The following SEMA6A variants were observed in gnomAD, a reference collection of about 807,000 sequenced individuals.
SEMA6A encodes semaphorin-6A.
In SEMA6A, 25 loss-of-function variants were observed where a neutral mutation model predicts 96.8. The observed-to-expected ratio is 0.26, with a 90% confidence interval of 0.19 to 0.36. The LOEUF (loss-of-function observed/expected upper bound fraction) is 0.36, where lower values mean the gene tolerates loss of function less well. Ranked by LOEUF, SEMA6A falls within the 10% of genes least tolerant of loss-of-function variation. The pLI, the probability that SEMA6A is intolerant of heterozygous loss-of-function variation, is 1.00. For missense variants in SEMA6A, 1,363 were observed against 1,323.1 expected (o/e 1.03, Z -0.47); for synonymous variants, 612 against 518.0 (o/e 1.18, Z -2.46).
intron 6 of SEMA6A, 53 bp downstream of exon 6, chr5:116,495,360 A>C: frequency 7.4e-7 from 1 of 1,343,094 alleles, no homozygotes; most frequent in Non-Finnish European, 1.1e-6. Context: ...CAATCACAGT[A>C]AATTATGAAA....
At chr5:116,562,643 G>T (rs1251284600) in intron 1 of SEMA6A, 2 of 695,618 alleles carry the variant, frequency 2.9e-6, no homozygotes, top group Non-Finnish European at 5.5e-6. Context: ...AAACATATTT[G>T]GTGTCCGCCA....
At chr5:116,550,328 G>A (rs1760355208) in intron 1 of SEMA6A, 1 of 152,120 alleles carries the variant, frequency 6.6e-6, no homozygotes, top group African/African-American at 2.4e-5. Context: ...CCAAGAAAAT[G>A]ATCCTCTCTA....
chr5:116,467,835 G>T, intron 17 of SEMA6A, 88 bp from the exon 18 acceptor site: 1 of 1,411,696 alleles, frequency 7.1e-7, no homozygotes, highest in South Asian at 1.3e-5. Flanking sequence ...GGACACCCAA[G>T]CTGGCTGTAA....
chr5:116,521,286 T>C (rs557773576), intron 1 of SEMA6A, among the ~76,000 whole-genome samples: 5 of 152,314 alleles, frequency 3.3e-5, no homozygotes, highest in East Asian at 3.9e-4. Context: ...TAAGGCTCGA[T>C]TGCCAATGAC....
At chr5:116,450,764 A>T (rs1754576025) in intron 18 of SEMA6A, among the ~76,000 whole-genome samples, 1 of 152,202 alleles carries the variant, frequency 6.6e-6, no homozygotes, top group African/African-American at 2.4e-5. Flanking sequence ...GTCTTCATCT[A>T]TCCATGGGGA....
intron 5 of SEMA6A, 200 bp from the exon 6 acceptor site, chr5:116,495,714 CAA>C: frequency 1.9e-6 from 1 of 527,138 alleles, no homozygotes; most frequent in Non-Finnish European, 3.4e-6. Context: ...TAAATAAAAA[CAA>C]AGCATAGAAT....
chr5:116,545,451 T>G (rs1760146970), intron 1 of SEMA6A, among the ~76,000 whole-genome samples: 1 of 151,974 alleles, frequency 6.6e-6, no homozygotes, highest in African/African-American at 2.4e-5. Flanking sequence ...GCACCTGTAA[T>G]CCCAGCTACT....
intron 18 of SEMA6A, among the ~76,000 whole-genome samples, chr5:116,451,891 G>T (rs936965161): frequency 1.3e-5 from 2 of 151,808 alleles, no homozygotes; most frequent in Non-Finnish European, 1.5e-5. Context: ...TTAGTTCTGG[G>T]AAAAATCCAA....
chr5:116,523,621 G>GTTTCATATTTTTAT (rs1419576689), intron 1 of SEMA6A, among the ~76,000 whole-genome samples: 1 of 152,112 alleles, frequency 6.6e-6, no homozygotes, highest in African/African-American at 2.4e-5. Flanking sequence ...CTAGACAGCA[G>GTTTCATATTTTTAT]TTTCATATTT....
intron 10 of SEMA6A, among the ~76,000 whole-genome samples, chr5:116,484,174 G>A (rs1756927355): frequency 6.6e-6 from 1 of 151,782 alleles, no homozygotes; most frequent in Non-Finnish European, 1.5e-5. Context: ...TTCCTTTTCG[G>A]AAAGTAACAC....
intron 18 of SEMA6A, among the ~76,000 whole-genome samples, chr5:116,467,197 A>C (rs534919209): frequency 6.6e-6 from 1 of 152,236 alleles, no homozygotes; most frequent in Non-Finnish European, 1.5e-5. Context: ...CCTTTACTTC[A>C]ATTGCATTCA....
rs985042032 is a variant in SEMA6A, at chr5:116,444,173, CTTCAGGGT to C, written c.*2432_*2439del. The C allele has an allele frequency of 1.3e-5, 2 of 151,722 alleles. No homozygotes were observed. Among genetic ancestry groups the C allele is most frequent in the African/African-American group, 4.8e-5 (2 of 41,262 alleles). The allele number at this position is 151,722 out of a possible 1,614,324, so 9.4% of individuals were successfully genotyped here. ...ACAATATTTCAGGTTCTAGGAAATACTTCAGGGTTTCAGGAGACAGAGTTCACAGGATG... is the reference window on the plus strand; with the variant it reads ...ACAATATTTCAGGTTCTAGGAAATACTTCAGGAGACAGAGTTCACAGGATG... On this transcript the variant is annotated 3_prime_UTR_variant, in exon 19 of 19. Coordinates refer to ENST00000343348, the MANE Select transcript of SEMA6A (RefSeq NM_020796.5).
chr5:116,572,702 C>G (rs978590336), intron 1 of SEMA6A, among the ~76,000 whole-genome samples: 4 of 152,206 alleles, frequency 2.6e-5, no homozygotes, highest in African/African-American at 9.7e-5. Context: ...ATCCCTTCCC[C>G]GACTTGTCGA....
intron 1 of SEMA6A, among the ~76,000 whole-genome samples, chr5:116,551,165 G>C (rs1031775083): frequency 1.3e-5 from 2 of 152,108 alleles, no homozygotes; most frequent in African/African-American, 4.8e-5. Context: ...TAGAACATGG[G>C]TGAAATAATC....
chr5:116,534,495 G>A (rs566728039), intron 1 of SEMA6A, among the ~76,000 whole-genome samples: 30 of 152,316 alleles, frequency 2.0e-4, no homozygotes, highest in African/African-American at 7.0e-4. Context: ...TCTCCCCAGT[G>A]AAGTCTTCCC....
rs1448895936 is a variant in SEMA6A, at chr5:116,537,674, T to C, written c.-38-32692A>G. Among the ~76,000 whole-genome samples the C allele has an allele frequency of 2.0e-5, 3 of 152,208 alleles. No individual in the cohort carries two copies. In the East Asian group the frequency reaches 5.8e-4, roughly 29 times the overall value. Reference sequence around the variant, plus strand: ...CCAACATTAAATAAATGTTGGTGACTACGCTTATTGCCATTAGGAGTAGCC... The same window carrying C: ...CCAACATTAAATAAATGTTGGTGACCACGCTTATTGCCATTAGGAGTAGCC... On this transcript the variant is annotated intron_variant, in intron 1 of 18. Coordinates refer to ENST00000343348, the MANE Select transcript of SEMA6A (RefSeq NM_020796.5).
intron 1 of SEMA6A, chr5:116,554,800 C>G (rs1318288641): frequency 6.6e-6 from 1 of 151,862 alleles, no homozygotes; most frequent in African/African-American, 2.4e-5. Context: ...GGAGAAAGCT[C>G]AGTTCCCCAA....
At chr5:116,534,695 C>T (rs974721200) in intron 1 of SEMA6A, among the ~76,000 whole-genome samples, 1 of 152,224 alleles carries the variant, frequency 6.6e-6, no homozygotes, top group African/African-American at 2.4e-5. Flanking sequence ...GGGAAATGAG[C>T]TTGTATGTTT....
rs573253541 is a variant in SEMA6A, at chr5:116,526,160, T to C, written c.-38-21178A>G. Among the ~76,000 whole-genome samples, 258 of 152,290 alleles carry C rather than the reference T, an allele frequency of 1.7e-3. 3 individuals carry two copies. Among genetic ancestry groups the C allele is most frequent in the South Asian group, 0.01 (50 of 4,824 alleles). ...CCCTTCTTTTTTATCCTTTGTGTCTTGAACTACTCTTCCCATGACTATGGT... is the reference window on the plus strand; with the variant it reads ...CCCTTCTTTTTTATCCTTTGTGTCTCGAACTACTCTTCCCATGACTATGGT... On this transcript the variant is annotated intron_variant, in intron 1 of 18. Coordinates refer to ENST00000343348, the MANE Select transcript of SEMA6A (RefSeq NM_020796.5).
Sources: gnomAD v4.1 joint callset for allele counts (sites outside exome capture counted in the v4.1 genomes callset) on GRCh38, gnomAD v4.1.1 for gene constraint, MANE v1.5 for transcripts, NCBI Gene and HGNC (gene_info 2026-07-23, HGNC 2026-07-21) for gene names.